Variants in GATAD2B observed in about 807,000 individuals in gnomAD.
The protein encoded by GATAD2B is transcriptional repressor p66-beta.
In GATAD2B, 8 loss-of-function variants were observed where a neutral mutation model predicts 64.3. That is an observed-to-expected ratio of 0.12 (90% CI 0.07 to 0.22). The LOEUF (loss-of-function observed/expected upper bound fraction) is 0.22, where lower values mean the gene tolerates loss of function less well. GATAD2B is among the 10% of genes least tolerant of loss of function. The pLI is 1.00. For missense variants in GATAD2B, 453 were observed against 752.0 expected (o/e 0.60, Z 4.65); for synonymous variants, 281 against 271.3 (o/e 1.04, Z -0.35).
At chr1:153,868,145 T>G (rs1557813337) in intron 1 of GATAD2B, among the ~76,000 whole-genome samples, 1 of 152,002 alleles carries the variant, frequency 6.6e-6, no homozygotes, top group Non-Finnish European at 1.5e-5. Flanking sequence ...GAGGTTGCAT[T>G]GAGCTGAGAT....
chr1:153,816,235 A>G lies in GATAD2B; in HGVS notation c.1216+38T>C. 7.1e-7 allele frequency: 1 copy of G among 1,407,000 alleles called. No homozygotes were observed. Among genetic ancestry groups the G allele is most frequent in the South Asian group, 1.2e-5 (1 of 83,806 alleles). 87.2% of individuals were successfully genotyped at this position (1,407,000 alleles called of 1,614,324 possible). ...CCTATGTCAATCAGGCTTGGCAACCACTTGCTTAAATAGATTGATTAGAAG... is the reference window on the plus strand; with the variant it reads ...CCTATGTCAATCAGGCTTGGCAACCGCTTGCTTAAATAGATTGATTAGAAG... On this transcript the variant is annotated intron_variant, in intron 7 of 10. Coordinates refer to ENST00000368655, the MANE Select transcript of GATAD2B (RefSeq NM_020699.4). The surrounding 1 kb of genome is among the most constrained non-coding windows in gnomAD (Gnocchi z 4.9).
intron 1 of GATAD2B, among the ~76,000 whole-genome samples, chr1:153,846,196 A>G (rs1675682132): frequency 6.6e-6 from 1 of 151,930 alleles, no homozygotes; most frequent in Non-Finnish European, 1.5e-5. Context: ...TATTTCTACC[A>G]TCTTCTGTTC....
Position 153,899,550 on chromosome 1 carries a change from G to A in GATAD2B, c.-2+23183C>T, listed in dbSNP as rs149590179. Among the ~76,000 whole-genome samples, 954 of 150,474 alleles carry A rather than the reference G, an allele frequency of 6.3e-3. 8 individuals carry two copies. The highest frequency in any genetic ancestry group is 9.1e-3 in the Non-Finnish European group (619 of 67,794). On this transcript the variant is annotated intron_variant, in intron 1 of 10. Transcript: ENST00000368655. ...GCCATTGCACTCCAGCCTGGGTAAC[G>A]ACGACGAAACTCCATCTTAAAAAGA... is the stretch of plus-strand genomic sequence containing the variant.
At chr1:153,880,528 T>TC (rs1193298109) in intron 1 of GATAD2B, among the ~76,000 whole-genome samples, 4 of 152,200 alleles carry the variant, frequency 2.6e-5, no homozygotes, top group Admixed American at 6.5e-5. Context: ...GCCTCCTTGC[T>TC]CCTCACCCCT....
intron 1 of GATAD2B, among the ~76,000 whole-genome samples, chr1:153,916,933 G>A (rs776343614): frequency 2.1e-4 from 32 of 151,870 alleles, no homozygotes; most frequent in African/African-American, 6.3e-4. Context: ...TCAGCCCCCC[G>A]AGTAGCTGGG....
chr1:153,909,562 G>A (rs1302926962), intron 1 of GATAD2B, among the ~76,000 whole-genome samples: 1 of 151,674 alleles, frequency 6.6e-6, no homozygotes, highest in Non-Finnish European at 1.5e-5. Flanking sequence ...AGCACTTTGG[G>A]AAGCCACGGC....
rs1001240319 is a variant in GATAD2B, at chr1:153,897,306, G to A, written c.-2+25427C>T. ...GGCCTCCGAAAGTGCTGGGATTACA[G>A]GCGTGAGCCACTGCGCCTGGCCAAA... On this transcript the variant is annotated intron_variant, in intron 1 of 10. Transcript: ENST00000368655. Among the ~76,000 whole-genome samples, 4 of 152,160 alleles carry A rather than the reference G, an allele frequency of 2.6e-5. No homozygotes were observed. The East Asian group carries it at 7.7e-4, about 29-fold the overall frequency.
intron 1 of GATAD2B, among the ~76,000 whole-genome samples, chr1:153,854,208 C>T (rs1450068705): frequency 6.6e-6 from 1 of 152,120 alleles, no homozygotes; most frequent in East Asian, 1.9e-4. Flanking sequence ...CGAGACCGTC[C>T]TGGCTAACAT....
At chr1:153,893,767 G>A (rs1400547193) in intron 1 of GATAD2B, among the ~76,000 whole-genome samples, 1 of 151,614 alleles carries the variant, frequency 6.6e-6, no homozygotes, top group African/African-American at 2.4e-5. Flanking sequence ...AGAACAGCCT[G>A]GTCAACATGG....
intron 1 of GATAD2B, among the ~76,000 whole-genome samples, chr1:153,829,183 G>A (rs1004937108): frequency 1.4e-4 from 22 of 151,992 alleles, no homozygotes; most frequent in African/African-American, 4.8e-4. Flanking sequence ...CAGCTAGGGC[G>A]ATACAGCGAG....
intron 1 of GATAD2B, among the ~76,000 whole-genome samples, chr1:153,861,792 A>AG (rs1217764168): frequency 2.2e-5 from 2 of 92,076 alleles, no homozygotes; most frequent in African/African-American, 7.0e-5. Flanking sequence ...AAAAAAAAAA[A>AG]AAAATATATA....
At chr1:153,839,127 AAAAAAAAG>A (rs1675381499) in intron 1 of GATAD2B, among the ~76,000 whole-genome samples, 3 of 150,930 alleles carry the variant, frequency 2.0e-5, no homozygotes, top group African/African-American at 7.3e-5. Context: ...AAAAAAAAAA[AAAAAAAAG>A]AAAGTTTAAG....
chr1:153,858,460 C>A (rs944173884), intron 1 of GATAD2B, among the ~76,000 whole-genome samples: 2 of 152,090 alleles, frequency 1.3e-5, no homozygotes, highest in Admixed American at 1.3e-4. Flanking sequence ...GAAAAATTAG[C>A]CCAGGATGGT....
intron 1 of GATAD2B, among the ~76,000 whole-genome samples, chr1:153,895,993 TAAAAAAAAAA>T (rs376526598): frequency 7.8e-6 from 1 of 128,612 alleles, no homozygotes; most frequent in Admixed American, 8.3e-5. Context: ...GACTCTGTCT[TAAAAAAAAAA>T]AAAAAAAAAA....
chr1:153,818,743 C>T, intron 4 of GATAD2B, 48 bp downstream of exon 4: 1 of 1,585,078 alleles, frequency 6.3e-7, no homozygotes, highest in Non-Finnish European at 8.6e-7. Context: ...ACTCTCAAAC[C>T]AGTTTTTCTT....
chr1:153,890,172 CAAAA>C (rs564018508), intron 1 of GATAD2B, among the ~76,000 whole-genome samples: 1 of 66,532 alleles, frequency 1.5e-5, no homozygotes. Flanking sequence ...AACTCTGTTT[CAAAA>C]AAAAAAAAAA....
At chr1:153,825,761 T>C (rs972450406) in intron 2 of GATAD2B, among the ~76,000 whole-genome samples, 4 of 152,164 alleles carry the variant, frequency 2.6e-5, no homozygotes, top group African/African-American at 9.7e-5. Flanking sequence ...TGTTTGCTTA[T>C]GGAGCATGGT....
intron 1 of GATAD2B, chr1:153,852,478 G>C: frequency 1.3e-6 from 1 of 759,776 alleles, no homozygotes. Flanking sequence ...GCAATAGCAA[G>C]AGTACGTGAC....
intron 1 of GATAD2B, among the ~76,000 whole-genome samples, chr1:153,902,184 G>GGCAGGAGAATCACTTGAAC (rs1428935282): frequency 8.5e-5 from 13 of 152,240 alleles, no homozygotes; most frequent in Admixed American, 2.6e-4. Context: ...GCAAGGCTGA[G>GGCAGGAGAATCACTTGAAC]GCAGGAGAAT....
Sources: gnomAD v4.1 joint callset for allele counts (sites outside exome capture counted in the v4.1 genomes callset) on GRCh38, gnomAD v4.1.1 for gene constraint, Gnocchi (gnomAD v3.1) non-coding constraint, MANE v1.5 for transcripts, NCBI Gene and HGNC (gene_info 2026-07-23, HGNC 2026-07-21) for gene names.